The following MFHAS1 variants were observed in gnomAD, a reference collection of about 807,000 sequenced individuals.
The protein encoded by MFHAS1 is malignant fibrous histiocytoma-amplified sequence 1.
Under a neutral mutation model 70.4 loss-of-function variants are expected in MFHAS1, and 50 were observed. The ratio of observed to expected loss-of-function variants is 0.71; its 90% CI spans 0.57 to 0.90. The LOEUF (loss-of-function observed/expected upper bound fraction) is 0.90, where lower values mean the gene tolerates loss of function less well. Ranked by LOEUF, MFHAS1 falls within the 40% of genes least tolerant of loss-of-function variation. MFHAS1 has a pLI of 0.00. For synonymous variants in MFHAS1, 952 were observed against 620.0 expected (o/e 1.54, Z -7.96); for missense variants, 1,795 against 1,347.6 (o/e 1.33, Z -5.20).
chr8:8,870,589 G>C (rs910085516), intron 1 of MFHAS1, among the ~76,000 whole-genome samples: 1 of 152,178 alleles, frequency 6.6e-6, no homozygotes, highest in East Asian at 1.9e-4. Flanking sequence ...TGGTTTTACA[G>C]AAAGTCCCTA....
At chr8:8,827,040 T>G (rs1807190164) in intron 1 of MFHAS1, among the ~76,000 whole-genome samples, 1 of 152,212 alleles carries the variant, frequency 6.6e-6, no homozygotes, top group African/African-American at 2.4e-5. Context: ...ATATCTTCCT[T>G]ACTGATATCC....
chr8:8,881,713 A>G (rs141615905), intron 1 of MFHAS1, among the ~76,000 whole-genome samples: 6,562 of 152,158 alleles, frequency 0.043, 221 homozygotes, highest in Non-Finnish European at 0.066. Flanking sequence ...AGTTGCCTGT[A>G]ATCCCAGCTA....
chr8:8,830,090 C>G (rs1180850013), intron 1 of MFHAS1, among the ~76,000 whole-genome samples: 1 of 152,162 alleles, frequency 6.6e-6, no homozygotes, highest in Non-Finnish European at 1.5e-5. Flanking sequence ...ATGCCCGGGA[C>G]TAGATGACCT....
intron 1 of MFHAS1, among the ~76,000 whole-genome samples, chr8:8,853,261 C>G (rs1192133689): frequency 6.6e-6 from 1 of 151,984 alleles, no homozygotes; most frequent in South Asian, 2.1e-4. Flanking sequence ...ACAGTTTGCT[C>G]GGAAGCTACT....
At chr8:8,865,126 A>T (rs1361498792) in intron 1 of MFHAS1, among the ~76,000 whole-genome samples, 1 of 151,924 alleles carries the variant, frequency 6.6e-6, no homozygotes, top group Non-Finnish European at 1.5e-5. Flanking sequence ...AAATACAAAA[A>T]GTTAGCTGGG....
At chr8:8,815,392 T>C (rs575943989) in intron 1 of MFHAS1, among the ~76,000 whole-genome samples, 1 of 152,300 alleles carries the variant, frequency 6.6e-6, no homozygotes, top group South Asian at 2.1e-4. Flanking sequence ...AGTAATGGAA[T>C]TGCTGGGTCA....
chr8:8,786,176 T>C (rs1805535895), intron 2 of MFHAS1, 121 bp from the exon 3 acceptor site: 1 of 925,020 alleles, frequency 1.1e-6, no homozygotes. Context: ...TCATTTCTAC[T>C]TCCAGGACTC....
intron 1 of MFHAS1, among the ~76,000 whole-genome samples, chr8:8,831,443 G>T (rs1807383756): frequency 6.6e-6 from 1 of 151,942 alleles, no homozygotes; most frequent in Non-Finnish European, 1.5e-5. Context: ...TACCTGATCT[G>T]GAAAGCTAAG....
At position 8,891,877 on chromosome 8, in the gene MFHAS1, G is replaced by A. The variant is rs759318350; in HGVS notation, c.1182C>T (p.Ala394=). ...VCMKGIPYIA[A]YQKELAHSQP... ...GGGAATGAGCCAGTTCCTTCTGGTA[G>A]GCTGCGATGTAGGGGATCCCCTTCA... The change falls in exon 1 of 3, where the codon GCC becomes GCT. Residue 394 remains alanine (A), a synonymous_variant. Transcript: ENST00000276282. This position sits in a 1 kb window ranked among gnomAD's most constrained non-coding sequence, Gnocchi z 5.4. The A allele has an allele frequency of 6.2e-7, 1 of 1,611,842 alleles. No individual in the cohort carries two copies. The highest frequency in any genetic ancestry group is 8.5e-7 in the Non-Finnish European group (1 of 1,179,022).
chr8:8,853,059 C>A (rs1235040072), intron 1 of MFHAS1, among the ~76,000 whole-genome samples: 1 of 152,166 alleles, frequency 6.6e-6, no homozygotes, highest in African/African-American at 2.4e-5. Context: ...CAGCAACTGC[C>A]TGGCTCAGTC....
At chr8:8,842,455 G>T (rs1807868338) in intron 1 of MFHAS1, among the ~76,000 whole-genome samples, 1 of 152,140 alleles carries the variant, frequency 6.6e-6, no homozygotes, top group Non-Finnish European at 1.5e-5. Flanking sequence ...CAAAGTGCTG[G>T]GATTGTAATA....
rs1810015691 is a variant in MFHAS1, at chr8:8,891,269, C to A, written c.1790G>T (p.Gly597Val). Reference protein sequence around the residue: ...RSASPHAAYYGVSDKNLRRRK... With the variant: ...RSASPHAAYYVVSDKNLRRRK... ...CCGTCGAAGGTTCTTGTCCGAAACG[C>A]CATAGTAGGCTGCGTGGGGGCTGGC... The change falls in exon 1 of 3, where the codon GGC becomes GTC. Residue 597 changes from glycine to valine, a missense_variant. Transcript: ENST00000276282. This position sits in a 1 kb window ranked among gnomAD's most constrained non-coding sequence, Gnocchi z 5.4. The A allele has an allele frequency of 1.2e-6, 2 of 1,611,996 alleles. No homozygotes were observed. Among genetic ancestry groups the A allele is most frequent in the Admixed American group, 3.3e-5 (2 of 60,006 alleles).
At chr8:8,829,199 C>A (rs1807276410) in intron 1 of MFHAS1, among the ~76,000 whole-genome samples, 1 of 152,062 alleles carries the variant, frequency 6.6e-6, no homozygotes, top group African/African-American at 2.4e-5. Flanking sequence ...GGAGCGCCCT[C>A]CCAGAACCCC....
chr8:8,841,218 T>C (rs1050240753), intron 1 of MFHAS1, among the ~76,000 whole-genome samples: 3 of 152,166 alleles, frequency 2.0e-5, no homozygotes, highest in Non-Finnish European at 4.4e-5. Flanking sequence ...CTCACAACCG[T>C]AATCCTAGCA....
chr8:8,871,132 G>A (rs900244559), intron 1 of MFHAS1, among the ~76,000 whole-genome samples: 2 of 152,100 alleles, frequency 1.3e-5, no homozygotes, highest in African/African-American at 4.8e-5. Context: ...GGACAACCTG[G>A]GCTCTGCTAC....
At chr8:8,794,525 C>T (rs1373769546) in intron 2 of MFHAS1, among the ~76,000 whole-genome samples, 1 of 152,178 alleles carries the variant, frequency 6.6e-6, no homozygotes, top group African/African-American at 2.4e-5. Flanking sequence ...TGGGGGAACA[C>T]TGGGCAGCTC....
intron 1 of MFHAS1, among the ~76,000 whole-genome samples, chr8:8,871,750 T>C (rs1431432030): frequency 6.6e-6 from 1 of 152,196 alleles, no homozygotes; most frequent in Non-Finnish European, 1.5e-5. Context: ...ATCCACTGAT[T>C]TAATTACATC....
intron 1 of MFHAS1, among the ~76,000 whole-genome samples, chr8:8,814,672 C>G (rs563858298): frequency 2.1e-4 from 32 of 152,142 alleles, no homozygotes; most frequent in Non-Finnish European, 4.4e-4. Flanking sequence ...ATGTAAAGAA[C>G]TCTGAAAACT....
chr8:8,795,410 T>G (rs928136340), intron 2 of MFHAS1, among the ~76,000 whole-genome samples: 1 of 152,234 alleles, frequency 6.6e-6, no homozygotes, highest in Non-Finnish European at 1.5e-5. Flanking sequence ...GCAATTACTT[T>G]TAACAGTTAT....
Sources: gnomAD v4.1 joint callset for allele counts (sites outside exome capture counted in the v4.1 genomes callset) on GRCh38, gnomAD v4.1.1 for gene constraint, Gnocchi (gnomAD v3.1) non-coding constraint, MANE v1.5 for transcripts, NCBI Gene and HGNC (gene_info 2026-07-23, HGNC 2026-07-21) for gene names.